NRXN3: variants seen among roughly 807,000 people sequenced by gnomAD.
NRXN3 encodes neurexin 3.
In NRXN3, 32 loss-of-function variants were observed where a neutral mutation model predicts 137.6. The ratio of observed to expected loss-of-function variants is 0.23; its 90% CI spans 0.18 to 0.31. NRXN3 has a LOEUF of 0.31. Among genes scored for constraint, NRXN3 ranks in the 10% least tolerant of loss-of-function variants. The pLI, the probability that NRXN3 is intolerant of heterozygous loss-of-function variation, is 1.00. For synonymous variants in NRXN3, 798 were observed against 784.5 expected (o/e 1.02, Z -0.29); for missense variants, 1,574 against 2,062.5 (o/e 0.76, Z 4.59).
At chr14:78,969,814 AGTGT>A (rs376306137) in intron 14 of NRXN3, among the ~76,000 whole-genome samples, 9,123 of 141,360 alleles carry the variant, frequency 0.065, 322 homozygotes, top group African/African-American at 0.1. Flanking sequence ...TGTACTATGT[AGTGT>A]GTGTGTGTGT....
At chr14:79,186,166 A>C (rs1486921906) in intron 15 of NRXN3, among the ~76,000 whole-genome samples, 2 of 152,136 alleles carry the variant, frequency 1.3e-5, no homozygotes, top group Non-Finnish European at 2.9e-5. Context: ...AATTATAGCC[A>C]TTCTATTTTA....
intron 15 of NRXN3, among the ~76,000 whole-genome samples, chr14:79,137,016 C>A (rs750870962): frequency 6.6e-6 from 1 of 152,162 alleles, no homozygotes; most frequent in Non-Finnish European, 1.5e-5. Context: ...TCACCTTTTA[C>A]CCCTTGGGGC....
At chr14:79,026,035 A>C (rs181312498) in intron 15 of NRXN3, among the ~76,000 whole-genome samples, 213 of 152,254 alleles carry the variant, frequency 1.4e-3, no homozygotes, top group Non-Finnish European at 9.9e-4. Flanking sequence ...TCAGAATTAC[A>C]TAACATGTTA....
chr14:78,374,769 C>CAAAAAAA (rs3037807), intron 4 of NRXN3, among the ~76,000 whole-genome samples: 1 of 115,530 alleles, frequency 8.7e-6, no homozygotes, highest in African/African-American at 3.4e-5. Context: ...ACTCCATCTC[C>CAAAAAAA]AAAAAAAAAA....
chr14:78,447,023 G>A (rs566415225), intron 4 of NRXN3, among the ~76,000 whole-genome samples: 2 of 152,238 alleles, frequency 1.3e-5, no homozygotes, highest in South Asian at 4.2e-4. Flanking sequence ...AGAACTCTGG[G>A]ACTCAAAAGC....
At chr14:79,583,261 C>T (rs1189715950) in intron 16 of NRXN3, among the ~76,000 whole-genome samples, 1 of 152,140 alleles carries the variant, frequency 6.6e-6, no homozygotes, top group Non-Finnish European at 1.5e-5. Context: ...ACAGTACCTA[C>T]CTCACAAGGT....
intron 4 of NRXN3, among the ~76,000 whole-genome samples, chr14:78,540,865 C>T (rs1388465361): frequency 1.3e-5 from 2 of 152,112 alleles, no homozygotes; most frequent in Non-Finnish European, 2.9e-5. Flanking sequence ...TTTATTTCTC[C>T]TTCACTTATG....
intron 1 of NRXN3, among the ~76,000 whole-genome samples, chr14:78,181,746 T>TG (rs2059827144): frequency 6.6e-6 from 1 of 152,282 alleles, no homozygotes; most frequent in African/African-American, 2.4e-5. Flanking sequence ...ACAGCTACTT[T>TG]GGGGCTCATT....
intron 20 of NRXN3, chr14:79,853,661 C>A: frequency 7.6e-7 from 1 of 1,312,012 alleles, no homozygotes; most frequent in South Asian, 1.2e-5. Context: ...ATGACCCTCC[C>A]CTTCCTGCAT....
At chr14:78,919,122 A>G (rs1392058619) in intron 10 of NRXN3, among the ~76,000 whole-genome samples, 5 of 152,156 alleles carry the variant, frequency 3.3e-5, no homozygotes, top group Admixed American at 3.3e-4. Context: ...CAGATGAACT[A>G]TTTGTTTTCC....
chr14:78,848,447 C>A (rs1197304796), intron 10 of NRXN3, among the ~76,000 whole-genome samples: 2 of 152,096 alleles, frequency 1.3e-5, no homozygotes, highest in Non-Finnish European at 2.9e-5. Flanking sequence ...GGCTGGCATG[C>A]AGAAATGCAC....
chr14:78,338,647 CAGTT>C (rs1159906662), intron 4 of NRXN3, among the ~76,000 whole-genome samples: 1 of 152,162 alleles, frequency 6.6e-6, no homozygotes, highest in Non-Finnish European at 1.5e-5. Flanking sequence ...GGAAGTATAT[CAGTT>C]ATTTATTGCT....
intron 19 of NRXN3, among the ~76,000 whole-genome samples, chr14:79,775,553 GAAAAA>G (rs749252781): frequency 5.8e-5 from 4 of 69,022 alleles, no homozygotes; most frequent in Non-Finnish European, 1.2e-4. Context: ...GGCTCTAACC[GAAAAA>G]AAAAAAAAAA....
At chr14:78,765,092 G>A (rs17108215) in intron 8 of NRXN3, among the ~76,000 whole-genome samples, 25,537 of 152,108 alleles carry the variant, frequency 0.17, 2,534 homozygotes, top group African/African-American at 0.27. Context: ...TAGAGGAAGA[G>A]AGCACAGAAA....
At chr14:79,220,105 AC>A (rs1171586885) in intron 15 of NRXN3, among the ~76,000 whole-genome samples, 4 of 152,162 alleles carry the variant, frequency 2.6e-5, no homozygotes, top group African/African-American at 9.7e-5. Context: ...ATGTTGGAAA[AC>A]TGCATGCTAT....
rs140258155 is a variant in NRXN3, at chr14:78,445,157, G to A, written c.757+147297G>A. On this transcript the variant is annotated intron_variant, in intron 4 of 20. Coordinates refer to ENST00000335750, the MANE Select transcript of NRXN3 (RefSeq NM_001330195.2). Reference sequence around the variant, plus strand: ...GCAGTGGAGGGACTTGTGGGGAAATGTGGTTGCAAAGGAGACAGGAGGGAA... The same window carrying A: ...GCAGTGGAGGGACTTGTGGGGAAATATGGTTGCAAAGGAGACAGGAGGGAA... Among the ~76,000 whole-genome samples, 1,167 of 152,232 alleles carry A rather than the reference G, an allele frequency of 7.7e-3. 6 individuals are homozygous for A. Among genetic ancestry groups the A allele is most frequent in the Non-Finnish European group, 0.011 (772 of 68,018 alleles).
chr14:78,315,935 T>C (rs1326139579), intron 4 of NRXN3, among the ~76,000 whole-genome samples: 2 of 152,216 alleles, frequency 1.3e-5, no homozygotes, highest in Non-Finnish European at 2.9e-5. Context: ...CTTAATCTCT[T>C]GTACGCATAG....
chr14:79,428,306 T>C (rs1206984388), intron 15 of NRXN3, among the ~76,000 whole-genome samples: 1 of 148,782 alleles, frequency 6.7e-6, no homozygotes, highest in African/African-American at 2.4e-5. Flanking sequence ...CTTATTTGAG[T>C]GTCTCAGCTT....
chr14:79,857,696 A>G (rs1156289865), intron 20 of NRXN3, among the ~76,000 whole-genome samples: 1 of 152,110 alleles, frequency 6.6e-6, no homozygotes, highest in Admixed American at 6.5e-5. Flanking sequence ...GGCATTTTTC[A>G]TGTTTACAGT....
Sources: gnomAD v4.1 joint callset for allele counts (sites outside exome capture counted in the v4.1 genomes callset) on GRCh38, gnomAD v4.1.1 for gene constraint, MANE v1.5 for transcripts, NCBI Gene and HGNC (gene_info 2026-07-23, HGNC 2026-07-21) for gene names.